Variants in ELP3 observed in about 807,000 individuals in gnomAD.
ELP3 encodes elongator complex protein 3.
ELP3 carries 56 observed loss-of-function variants against 74.9 expected under a neutral mutation model. That is an observed-to-expected ratio of 0.75 (90% CI 0.60 to 0.93). ELP3 has a LOEUF of 0.93. Ranked by LOEUF, ELP3 falls within the 40% of genes least tolerant of loss-of-function variation. The probability of loss-of-function intolerance (pLI) is 0.00; values close to 1 mark genes in which losing one functional copy is unlikely to be tolerated. For missense variants in ELP3, 573 were observed against 686.5 expected, an observed-to-expected ratio of 0.83 and a Z score of 1.85; for synonymous variants, 222 against 239.8, an observed-to-expected ratio of 0.93 and a Z score of 0.68.
chr8:28,152,192 G>T (rs1453234735), intron 10 of ELP3, among the ~76,000 whole-genome samples: 1 of 152,166 alleles, frequency 6.6e-6, no homozygotes, highest in African/African-American at 2.4e-5. Context: ...GTCCAGAAGA[G>T]TTGTGACTTT....
chr8:28,139,585 T>A (rs1813141827), intron 10 of ELP3, among the ~76,000 whole-genome samples: 1 of 152,180 alleles, frequency 6.6e-6, no homozygotes, highest in South Asian at 2.1e-4. Flanking sequence ...TTTTTTCTTG[T>A]CATTACTCCC....
chr8:28,117,749 A>T (rs1053175017), intron 7 of ELP3, among the ~76,000 whole-genome samples: 1 of 152,032 alleles, frequency 6.6e-6, no homozygotes, highest in African/African-American at 2.4e-5. Flanking sequence ...AAAAGACCTG[A>T]TTTGTGGCGT....
intron 6 of ELP3, 47 bp from the exon 7 acceptor site, chr8:28,112,972 G>C: frequency 1.3e-6 from 2 of 1,559,416 alleles, no homozygotes; most frequent in Non-Finnish European, 1.7e-6. Context: ...TCTTAGAGTA[G>C]TTCCTTATGC....
intron 13 of ELP3, among the ~76,000 whole-genome samples, chr8:28,160,704 G>T (rs1554503651): frequency 1.3e-5 from 2 of 151,784 alleles, no homozygotes; most frequent in Non-Finnish European, 2.9e-5. Flanking sequence ...CATGGAATTG[G>T]TTTTTTTTGA....
chr8:28,160,961 C>T (rs1814060314), intron 13 of ELP3, among the ~76,000 whole-genome samples: 1 of 152,208 alleles, frequency 6.6e-6, no homozygotes, highest in Non-Finnish European at 1.5e-5. Context: ...TCCCAAAGTG[C>T]TGAGATTACA....
chr8:28,176,570 C>T (rs1814764375), intron 14 of ELP3, among the ~76,000 whole-genome samples: 1 of 152,178 alleles, frequency 6.6e-6, no homozygotes, highest in Non-Finnish European at 1.5e-5. Context: ...CTCCCCTAGT[C>T]ACTGTAAGTA....
intron 14 of ELP3, among the ~76,000 whole-genome samples, chr8:28,164,477 C>A (rs1814228922): frequency 2.6e-5 from 4 of 152,112 alleles, no homozygotes; most frequent in Admixed American, 2.0e-4. Context: ...TTTCTTTTGG[C>A]AGTGGGTTTC....
intron 14 of ELP3, among the ~76,000 whole-genome samples, chr8:28,165,383 G>A (rs1463300656): frequency 6.6e-6 from 1 of 152,156 alleles, no homozygotes; most frequent in Non-Finnish European, 1.5e-5. Context: ...TTTCCCATAG[G>A]TAGTTAATCC....
intron 14 of ELP3, among the ~76,000 whole-genome samples, chr8:28,163,640 T>C (rs1163020553): frequency 6.6e-6 from 1 of 152,108 alleles, no homozygotes; most frequent in African/African-American, 2.4e-5. Context: ...TTACCTGTAA[T>C]TAAAAAAGGT....
chr8:28,115,952 C>G (rs911384502), intron 7 of ELP3, among the ~76,000 whole-genome samples: 1 of 152,142 alleles, frequency 6.6e-6, no homozygotes, highest in Non-Finnish European at 1.5e-5. Flanking sequence ...AATAGTGCCA[C>G]CTCTTAAGAT....
At chr8:28,097,106 C>T (rs1019687786) in intron 1 of ELP3, 113 bp from the exon 2 acceptor site, 2 of 636,012 alleles carry the variant, frequency 3.1e-6, no homozygotes, top group Admixed American at 2.8e-5. Flanking sequence ...TGAACTTGAG[C>T]TATTCATTTG....
intron 7 of ELP3, among the ~76,000 whole-genome samples, chr8:28,119,968 T>C (rs901808281): frequency 6.6e-6 from 1 of 152,178 alleles, no homozygotes; most frequent in African/African-American, 2.4e-5. Context: ...TTCCATTGTA[T>C]GCAGAGATCA....
chr8:28,166,128 G>A (rs373377264), intron 14 of ELP3, among the ~76,000 whole-genome samples: 4 of 152,236 alleles, frequency 2.6e-5, no homozygotes, highest in South Asian at 4.1e-4. Flanking sequence ...GAGGGCTCAC[G>A]TATGAAATGA....
chr8:28,093,508 G>A (rs11786004), intron 1 of ELP3: 171,153 of 535,090 alleles, frequency 0.32, 27,837 homozygotes, highest in Admixed American at 0.34. Flanking sequence ...TATGCCCTCC[G>A]AGGAGTTAAC....
At chr8:28,103,786 G>A (rs1048199177) in intron 3 of ELP3, among the ~76,000 whole-genome samples, 3 of 152,158 alleles carry the variant, frequency 2.0e-5, no homozygotes, top group Non-Finnish European at 4.4e-5. Flanking sequence ...AGGCTAGAGT[G>A]TGGTGGCATG....
chr8:28,103,468 C>T (rs1811571331), intron 3 of ELP3, among the ~76,000 whole-genome samples: 1 of 152,142 alleles, frequency 6.6e-6, no homozygotes, highest in South Asian at 2.1e-4. Context: ...TATTGAAGGA[C>T]ATCTTGGTTG....
intron 14 of ELP3, among the ~76,000 whole-genome samples, chr8:28,167,696 T>C (rs1486938575): frequency 6.6e-6 from 1 of 151,976 alleles, no homozygotes; most frequent in African/African-American, 2.4e-5. Flanking sequence ...AGGGAAAGAG[T>C]GTTTGTCCTT....
At chr8:28,178,089 G>A (rs1432027031) in intron 14 of ELP3, among the ~76,000 whole-genome samples, 1 of 152,148 alleles carries the variant, frequency 6.6e-6, no homozygotes, top group Admixed American at 6.5e-5. Context: ...AAATAGCAGA[G>A]TTTATAAAAT....
At chr8:28,100,440 A>G (rs1811431338) in intron 3 of ELP3, among the ~76,000 whole-genome samples, 1 of 152,260 alleles carries the variant, frequency 6.6e-6, no homozygotes, top group Non-Finnish European at 1.5e-5. Context: ...CCATAAGCCA[A>G]GAAGAGCAGG....
Sources: gnomAD v4.1 joint callset for allele counts (sites outside exome capture counted in the v4.1 genomes callset) on GRCh38, gnomAD v4.1.1 for gene constraint, MANE v1.5 for transcripts, NCBI Gene and HGNC (gene_info 2026-07-23, HGNC 2026-07-21) for gene names.